The following VRK1 variants were observed in gnomAD, a reference collection of about 807,000 sequenced individuals.
The protein encoded by VRK1 is serine/threonine-protein kinase VRK1.
Under a neutral mutation model 57.1 loss-of-function variants are expected in VRK1, and 33 were observed. The ratio of observed to expected loss-of-function variants is 0.58; its 90% CI spans 0.44 to 0.77. The LOEUF (loss-of-function observed/expected upper bound fraction) is 0.77. Ranked by LOEUF, VRK1 falls within the 30% of genes least tolerant of loss-of-function variation. The pLI, the probability that VRK1 is intolerant of heterozygous loss-of-function variation, is 0.00. For missense variants in VRK1, 413 were observed against 477.3 expected (o/e 0.87, Z 1.25); for synonymous variants, 137 against 147.8 (o/e 0.93, Z 0.53).
intron 5 of VRK1, among the ~76,000 whole-genome samples, chr14:96,849,312 T>C (rs1000461820): frequency 3.9e-5 from 6 of 152,192 alleles, no homozygotes; most frequent in African/African-American, 1.2e-4. Context: ...ACAATAGTTA[T>C]ATTCCTAAGG....
chr14:96,869,539 C>T (rs1040800452), intron 11 of VRK1, among the ~76,000 whole-genome samples: 2 of 152,116 alleles, frequency 1.3e-5, no homozygotes, highest in Non-Finnish European at 2.9e-5. Context: ...CAGTGAAAGA[C>T]AAGATGTTAA....
At chr14:96,847,198 T>A (rs2139781893) in intron 4 of VRK1, 59 bp from the exon 5 acceptor site, 6 of 1,446,060 alleles carry the variant, frequency 4.1e-6, no homozygotes, top group South Asian at 1.2e-5. Context: ...AATGATTTTT[T>A]AAAAAATTAT....
At chr14:96,837,352 T>C (rs1321212147) in intron 2 of VRK1, among the ~76,000 whole-genome samples, 1 of 152,210 alleles carries the variant, frequency 6.6e-6, no homozygotes, top group Non-Finnish European at 1.5e-5. Flanking sequence ...TTTAGCCCCC[T>C]CATTTCTTAC....
chr14:96,804,413 C>CATT (rs1335048328), intron 1 of VRK1, among the ~76,000 whole-genome samples: 1 of 152,128 alleles, frequency 6.6e-6, no homozygotes, highest in Non-Finnish European at 1.5e-5. Flanking sequence ...GAAGGTATAA[C>CATT]ATGGCTGGAG....
At chr14:96,851,090 C>T (rs1252651153) in intron 5 of VRK1, among the ~76,000 whole-genome samples, 2 of 152,000 alleles carry the variant, frequency 1.3e-5, no homozygotes, top group South Asian at 2.1e-4. Context: ...TATTATCTTA[C>T]AAGCCAAGGT....
At chr14:96,846,005 A>G (rs2139778805) in intron 3 of VRK1, 90 bp from the exon 4 acceptor site, 1 of 1,187,250 alleles carries the variant, frequency 8.4e-7, no homozygotes, top group Non-Finnish European at 1.3e-6. Flanking sequence ...TGGACAGAAA[A>G]ATAGATTTGT....
intron 1 of VRK1, among the ~76,000 whole-genome samples, chr14:96,826,479 A>C (rs1446099544): frequency 6.6e-6 from 1 of 152,228 alleles, no homozygotes; most frequent in Non-Finnish European, 1.5e-5. Context: ...ATTTCATTTA[A>C]TATCAGAGGA....
At chr14:96,799,714 G>C (rs1342332751) in intron 1 of VRK1, among the ~76,000 whole-genome samples, 2 of 152,176 alleles carry the variant, frequency 1.3e-5, no homozygotes, top group African/African-American at 4.8e-5. Flanking sequence ...AATTGCTCTT[G>C]ATGGGTTCTG....
intron 12 of VRK1, among the ~76,000 whole-genome samples, chr14:96,877,157 T>C (rs2139848300): frequency 6.6e-6 from 1 of 152,280 alleles, no homozygotes; most frequent in South Asian, 2.1e-4. Context: ...AAAAAAAATT[T>C]TACAGCATAG....
intron 3 of VRK1, among the ~76,000 whole-genome samples, chr14:96,843,414 G>T (rs947506128): frequency 6.6e-6 from 1 of 152,192 alleles, no homozygotes; most frequent in Non-Finnish European, 1.5e-5. Context: ...TTGGAAAGAA[G>T]TTTGCAGACT....
intron 1 of VRK1, among the ~76,000 whole-genome samples, chr14:96,828,585 C>T (rs961826400): frequency 6.6e-6 from 1 of 152,094 alleles, no homozygotes; most frequent in African/African-American, 2.4e-5. Flanking sequence ...CCTGAGTGTG[C>T]CCGATCTCGT....
chr14:96,831,311 T>G (rs1886995521), intron 1 of VRK1, among the ~76,000 whole-genome samples: 1 of 152,182 alleles, frequency 6.6e-6, no homozygotes, highest in South Asian at 2.1e-4. Flanking sequence ...TGTTGAGTTT[T>G]GCTATCCAGT....
chr14:96,845,756 T>TA (rs1887660029), intron 3 of VRK1, among the ~76,000 whole-genome samples: 1 of 152,228 alleles, frequency 6.6e-6, no homozygotes, highest in African/African-American at 2.4e-5. Flanking sequence ...CCCTTGGTGA[T>TA]ACAGTTAAGA....
chr14:96,866,178 T>C (rs955963890), intron 11 of VRK1, among the ~76,000 whole-genome samples: 4 of 152,192 alleles, frequency 2.6e-5, no homozygotes, highest in Admixed American at 6.5e-5. Flanking sequence ...ACTAGATTAT[T>C]GTATTTGTGA....
chr14:96,847,949 C>T (rs1887780910), intron 5 of VRK1, among the ~76,000 whole-genome samples: 2 of 152,166 alleles, frequency 1.3e-5, no homozygotes, highest in South Asian at 2.1e-4. Context: ...GAGAAAACTT[C>T]TAATACTTTG....
chr14:96,875,994 GAT>G, intron 11 of VRK1, 34 bp from the exon 12 acceptor site: 1 of 1,594,146 alleles, frequency 6.3e-7, no homozygotes. Flanking sequence ...TTGACTGTCA[GAT>G]ATCTCTCTCT....
intron 5 of VRK1, among the ~76,000 whole-genome samples, chr14:96,848,938 TG>T (rs1294907370): frequency 6.6e-6 from 1 of 152,122 alleles, no homozygotes. Flanking sequence ...GCATCTTAAG[TG>T]GGAGATGAAC....
intron 1 of VRK1, among the ~76,000 whole-genome samples, chr14:96,827,131 T>C (rs1886826714): frequency 1.1e-5 from 1 of 90,846 alleles, no homozygotes; most frequent in Non-Finnish European, 2.5e-5. Flanking sequence ...TATGGTGTGA[T>C]GAAAATGTTC....
intron 11 of VRK1, among the ~76,000 whole-genome samples, chr14:96,864,378 G>A (rs1443096574): frequency 2.0e-5 from 3 of 152,208 alleles, no homozygotes; most frequent in Admixed American, 6.5e-5. Flanking sequence ...TATAGTAATG[G>A]TATCATATAT....
Sources: gnomAD v4.1 joint callset for allele counts (sites outside exome capture counted in the v4.1 genomes callset) on GRCh38, gnomAD v4.1.1 for gene constraint, MANE v1.5 for transcripts, NCBI Gene and HGNC (gene_info 2026-07-23, HGNC 2026-07-21) for gene names.